CTNNA3: variants seen among roughly 807,000 people sequenced by gnomAD.
CTNNA3 encodes the protein catenin alpha 3.
Under a neutral mutation model 95.7 loss-of-function variants are expected in CTNNA3, and 76 were observed. The observed-to-expected ratio is 0.79, with a 90% confidence interval of 0.66 to 0.96. The LOEUF is 0.96. Ranked by LOEUF, CTNNA3 falls within the 40% of genes least tolerant of loss-of-function variation. CTNNA3 has a pLI of 0.00. For synonymous variants in CTNNA3, 431 were observed against 374.4 expected (o/e 1.15, Z -1.74); for missense variants, 1,191 against 1,089.8 (o/e 1.09, Z -1.31).
At chr10:66,915,344 G>A (rs1846435422) in intron 7 of CTNNA3, among the ~76,000 whole-genome samples, 1 of 152,036 alleles carries the variant, frequency 6.6e-6, no homozygotes, top group Admixed American at 6.5e-5. Context: ...ACAGTGGTAT[G>A]GGAAGACAGT....
At chr10:67,012,292 A>C (rs1226154807) in intron 7 of CTNNA3, 1 of 152,162 alleles carries the variant, frequency 6.6e-6, no homozygotes, top group Non-Finnish European at 1.5e-5. Flanking sequence ...GAGAACTGAA[A>C]CCCAGAGAAA....
chr10:67,031,027 A>C (rs556428811), intron 7 of CTNNA3, among the ~76,000 whole-genome samples: 1 of 152,114 alleles, frequency 6.6e-6, no homozygotes, highest in Non-Finnish European at 1.5e-5. Context: ...AAATAAATAA[A>C]TAACTTAGCT....
rs532987643 is a variant in CTNNA3 at position 67,020,572 on chromosome 10, G to C, written c.1047+159745C>G. On this transcript the variant is annotated intron_variant, in intron 7 of 17. Coordinates refer to ENST00000433211, the MANE Select transcript of CTNNA3 (RefSeq NM_013266.4). ...ATTCAACAAATATTTACTAAATTTT[G>C]TTATGTCTTATCCACTGTATTGGGC... Among the ~76,000 whole-genome samples the C allele has an allele frequency of 3.9e-5, 6 of 152,176 alleles. No individual in the cohort carries two copies. In the South Asian group the frequency reaches 1.2e-3, roughly 32 times the overall value.
chr10:66,106,076 A>T (rs1332866843), intron 13 of CTNNA3, among the ~76,000 whole-genome samples: 1 of 151,978 alleles, frequency 6.6e-6, no homozygotes, highest in Non-Finnish European at 1.5e-5. Context: ...GCGTGGTGGC[A>T]CATGCCTGTA....
chr10:67,180,240 TA>T, intron 7 of CTNNA3, 76 bp downstream of exon 7: 5 of 1,197,982 alleles, frequency 4.2e-6, no homozygotes, highest in Non-Finnish European at 6.1e-6. Context: ...CTATTTTGTA[TA>T]CGGAAAGTAT....
chr10:66,607,433 G>T (rs1019700327), intron 10 of CTNNA3, among the ~76,000 whole-genome samples: 3 of 127,660 alleles, frequency 2.3e-5, no homozygotes, highest in Admixed American at 2.0e-4. Context: ...ATTCTATGAG[G>T]CTACCATCAT....
intron 7 of CTNNA3, among the ~76,000 whole-genome samples, chr10:67,111,485 T>C (rs1858906518): frequency 6.6e-6 from 1 of 152,088 alleles, no homozygotes; most frequent in Non-Finnish European, 1.5e-5. Context: ...AATTTAGGAC[T>C]TTCACAAATC....
At chr10:65,991,289 T>C (rs1383132509) in intron 15 of CTNNA3, among the ~76,000 whole-genome samples, 1 of 152,118 alleles carries the variant, frequency 6.6e-6, no homozygotes, top group African/African-American at 2.4e-5. Flanking sequence ...GTTTCTTCTG[T>C]TTCTGTGAAG....
intron 7 of CTNNA3, among the ~76,000 whole-genome samples, chr10:66,917,869 C>T (rs144468658): frequency 2.4e-3 from 365 of 152,246 alleles, no homozygotes; most frequent in African/African-American, 8.2e-3. Context: ...ACTTTACATT[C>T]AAAGCACAGT....
intron 5 of CTNNA3, among the ~76,000 whole-genome samples, chr10:67,249,455 T>A (rs978703517): frequency 2.0e-5 from 3 of 152,168 alleles, no homozygotes; most frequent in African/African-American, 7.2e-5. Context: ...TTATAGTAAA[T>A]CCTCATTTAA....
At chr10:65,994,517 T>C (rs1006599348) in intron 15 of CTNNA3, among the ~76,000 whole-genome samples, 5 of 152,136 alleles carry the variant, frequency 3.3e-5, no homozygotes, top group Non-Finnish European at 7.4e-5. Flanking sequence ...AAAAATCTGC[T>C]GTTAGTTTTA....
chr10:66,478,695 T>A (rs1839410857), intron 11 of CTNNA3, among the ~76,000 whole-genome samples: 1 of 151,866 alleles, frequency 6.6e-6, no homozygotes. Context: ...TTTGCAAATA[T>A]AATGTAATTA....
chr10:67,083,800 T>C (rs1857169532), intron 7 of CTNNA3, among the ~76,000 whole-genome samples: 1 of 152,158 alleles, frequency 6.6e-6, no homozygotes, highest in Non-Finnish European at 1.5e-5. Flanking sequence ...ATTGGGATGG[T>C]TCCCATTACA....
intron 7 of CTNNA3, chr10:67,015,419 C>T (rs1318154477): frequency 1.3e-5 from 2 of 152,126 alleles, no homozygotes; most frequent in East Asian, 3.8e-4. Context: ...ATGTCTTTCT[C>T]TTGATACTAT....
chr10:66,291,507 A>G (rs1188267159), intron 12 of CTNNA3, among the ~76,000 whole-genome samples: 1 of 152,088 alleles, frequency 6.6e-6, no homozygotes, highest in Admixed American at 6.6e-5. Context: ...CTCACTACCA[A>G]CATTGTTGCT....
chr10:66,023,302 A>G (rs2079261179), intron 15 of CTNNA3, among the ~76,000 whole-genome samples: 1 of 152,214 alleles, frequency 6.6e-6, no homozygotes, highest in Admixed American at 6.5e-5. Flanking sequence ...ATCAGTCACA[A>G]CTTTGCATTT....
At chr10:66,002,739 A>G (rs1197150853) in intron 15 of CTNNA3, among the ~76,000 whole-genome samples, 1 of 152,140 alleles carries the variant, frequency 6.6e-6, no homozygotes, top group East Asian at 1.9e-4. Context: ...ATGAGAATAG[A>G]TCTCATAGGA....
intron 10 of CTNNA3, among the ~76,000 whole-genome samples, chr10:66,552,093 C>T (rs966221151): frequency 3.3e-5 from 5 of 151,526 alleles, no homozygotes; most frequent in African/African-American, 4.8e-5. Flanking sequence ...TTAGGAGAGA[C>T]GGGGTTTCAT....
chr10:66,834,016 C>T (rs1054513919), intron 7 of CTNNA3, among the ~76,000 whole-genome samples: 9 of 152,262 alleles, frequency 5.9e-5, no homozygotes, highest in African/African-American at 1.7e-4. Context: ...TTATCAAAGA[C>T]CAACAATAGG....
Sources: allele counts gnomAD v4.1 joint callset (sites outside exome capture counted in the v4.1 genomes callset), GRCh38; gene constraint gnomAD v4.1.1; transcripts MANE v1.5; gene names NCBI Gene and HGNC (gene_info 2026-07-23, HGNC 2026-07-21).